Variants in CABCOCO1 observed in about 807,000 individuals in gnomAD.
The protein encoded by CABCOCO1 is ciliary associated calcium binding coiled-coil 1, also known as ciliary-associated calcium-binding coiled-coil protein 1.
In CABCOCO1, 28 loss-of-function variants were observed where a neutral mutation model predicts 35.7. That is an observed-to-expected ratio of 0.78 (90% confidence interval 0.58 to 1.07). The LOEUF (loss-of-function observed/expected upper bound fraction) is 1.07. Among genes scored for constraint, CABCOCO1 ranks in the 50% least tolerant of loss-of-function variants. The probability of loss-of-function intolerance (pLI) is 0.00; values close to 1 mark genes in which losing one functional copy is unlikely to be tolerated. For synonymous variants in CABCOCO1, 95 were observed against 100.1 expected, an observed-to-expected ratio of 0.95 and a Z score of 0.30; for missense variants, 326 against 309.2, an observed-to-expected ratio of 1.05 and a Z score of -0.41.
At chr10:61,723,180 G>T (rs960262413) in intron 5 of CABCOCO1, among the ~76,000 whole-genome samples, 1 of 152,124 alleles carries the variant, frequency 6.6e-6, no homozygotes, top group African/African-American at 2.4e-5. Context: ...AGCAAGGATG[G>T]CTCATTGACA....
intron 5 of CABCOCO1, among the ~76,000 whole-genome samples, chr10:61,701,236 T>C (rs1840450064): frequency 6.6e-6 from 1 of 152,170 alleles, no homozygotes; most frequent in Non-Finnish European, 1.5e-5. Flanking sequence ...TTTTACTCTG[T>C]TCCCTTTTAT....
intron 2 of CABCOCO1, among the ~76,000 whole-genome samples, chr10:61,677,423 C>T (rs1022694397): frequency 2.6e-5 from 4 of 152,176 alleles, no homozygotes; most frequent in African/African-American, 9.7e-5. Context: ...AGACCTCTCT[C>T]CTATTGATAA....
chr10:61,713,703 G>C (rs1242409660), intron 5 of CABCOCO1, among the ~76,000 whole-genome samples: 1 of 152,106 alleles, frequency 6.6e-6, no homozygotes, highest in Non-Finnish European at 1.5e-5. Context: ...CTAGTTTATT[G>C]AGAGTATTTA....
intron 5 of CABCOCO1, among the ~76,000 whole-genome samples, chr10:61,702,295 A>G (rs1840478696): frequency 6.6e-6 from 1 of 152,120 alleles, no homozygotes; most frequent in African/African-American, 2.4e-5. Context: ...AATTTAAACT[A>G]TTTTGTCCTA....
chr10:61,763,391 T>C (rs1474429168), intron 7 of CABCOCO1, among the ~76,000 whole-genome samples: 1 of 152,096 alleles, frequency 6.6e-6, no homozygotes, highest in South Asian at 2.1e-4. Context: ...TGAAGTTATC[T>C]TGGCCCTGAG....
chr10:61,711,964 T>C (rs114058868), intron 5 of CABCOCO1, among the ~76,000 whole-genome samples: 3,600 of 151,792 alleles, frequency 0.024, 147 homozygotes, highest in African/African-American at 0.083. Context: ...AAAACATACA[T>C]GTGCATGATT....
chr10:61,759,524 T>G (rs1012720118), intron 5 of CABCOCO1, among the ~76,000 whole-genome samples: 1 of 152,058 alleles, frequency 6.6e-6, no homozygotes, highest in Admixed American at 6.6e-5. Context: ...TGCCTTGCCC[T>G]GTGTGTTTTT....
At chr10:61,700,825 C>T (rs534331215) in intron 5 of CABCOCO1, among the ~76,000 whole-genome samples, 66 of 152,060 alleles carry the variant, frequency 4.3e-4, no homozygotes, top group Middle Eastern at 3.4e-3. Flanking sequence ...GTTGTACTTA[C>T]GATGGAAAGT....
chr10:61,696,760 C>T (rs1397124466), intron 5 of CABCOCO1, among the ~76,000 whole-genome samples: 1 of 152,002 alleles, frequency 6.6e-6, no homozygotes, highest in Non-Finnish European at 1.5e-5. Context: ...TCAGTTGCAG[C>T]CCCCTAAAGT....
chr10:61,761,141 A>G, intron 7 of CABCOCO1, 138 bp downstream of exon 7: 1 of 882,084 alleles, frequency 1.1e-6, no homozygotes, highest in Non-Finnish European at 1.7e-6. Flanking sequence ...AGCTTCACAT[A>G]ATTCTCAGTT....
intron 5 of CABCOCO1, among the ~76,000 whole-genome samples, chr10:61,727,691 T>C (rs1044690463): frequency 1.3e-5 from 2 of 152,224 alleles, no homozygotes; most frequent in Non-Finnish European, 2.9e-5. Context: ...GTAGCGTGTA[T>C]TTACATTGAT....
chr10:61,732,000 G>A (rs899364059), intron 5 of CABCOCO1, among the ~76,000 whole-genome samples: 1 of 151,996 alleles, frequency 6.6e-6, no homozygotes, highest in Admixed American at 6.6e-5. Flanking sequence ...TGATTAACTA[G>A]ATTCCAGATT....
At position 61,758,784 on chromosome 10, in the gene CABCOCO1, T is replaced by G. The variant is rs187383602; in HGVS notation, c.553-1275T>G. ...GTTAGGACACGTTGGGGCTTCTATA[T>G]ATTTACACTAAGCAACAACTTTGTA... On this transcript the variant is annotated intron_variant, in intron 5 of 7. Transcript: ENST00000648843. 4.6e-5 allele frequency among the ~76,000 whole-genome samples: 7 copies of G among 152,190 alleles called. No individual in the cohort carries two copies. In the East Asian group the frequency reaches 1.4e-3, roughly 29 times the overall value.
At chr10:61,680,691 A>ATAT (rs1564532809) in intron 2 of CABCOCO1, among the ~76,000 whole-genome samples, 2 of 95,394 alleles carry the variant, frequency 2.1e-5, no homozygotes, top group African/African-American at 4.3e-5. Context: ...ATACATGTAT[A>ATAT]ACATATATAT....
chr10:61,725,749 AAAG>A, intron 5 of CABCOCO1, among the ~76,000 whole-genome samples: 1 of 152,214 alleles, frequency 6.6e-6, no homozygotes, highest in Non-Finnish European at 1.5e-5. Context: ...CTTAGAACTT[AAAG>A]TATAATAAAA....
chr10:61,679,907 C>A (rs1839655529), intron 2 of CABCOCO1, among the ~76,000 whole-genome samples: 3 of 151,808 alleles, frequency 2.0e-5, no homozygotes. Context: ...GATTATAAAA[C>A]AGTATCCAAA....
At chr10:61,685,709 T>G (rs530013606) in intron 3 of CABCOCO1, among the ~76,000 whole-genome samples, 3 of 152,204 alleles carry the variant, frequency 2.0e-5, no homozygotes, top group African/African-American at 7.2e-5. Flanking sequence ...CACGGGCATG[T>G]GTCACCATGC....
At chr10:61,715,064 C>T (rs1188545106) in intron 5 of CABCOCO1, among the ~76,000 whole-genome samples, 1 of 152,040 alleles carries the variant, frequency 6.6e-6, no homozygotes, top group Non-Finnish European at 1.5e-5. Context: ...TCCTGGATAT[C>T]CTTGTAAACC....
intron 5 of CABCOCO1, among the ~76,000 whole-genome samples, chr10:61,692,656 C>T (rs1840181679): frequency 6.6e-6 from 1 of 152,094 alleles, no homozygotes; most frequent in Non-Finnish European, 1.5e-5. Context: ...ACCTCAGTCA[C>T]CATTACTCAC....
Sources: gnomAD v4.1 joint callset for allele counts (sites outside exome capture counted in the v4.1 genomes callset) on GRCh38, gnomAD v4.1.1 for gene constraint, MANE v1.5 for transcripts, NCBI Gene and HGNC (gene_info 2026-07-23, HGNC 2026-07-21) for gene names.